The following RTN3 variants were observed in gnomAD, a reference collection of about 807,000 sequenced individuals.
RTN3 encodes the protein reticulon-3.
A neutral mutation model predicts 77.8 loss-of-function variants in RTN3; 49 were observed. The ratio of observed to expected loss-of-function variants is 0.63; its 90% CI spans 0.50 to 0.80. The LOEUF is 0.80. RTN3 is among the 30% of genes least tolerant of loss of function. The pLI, the probability that RTN3 is intolerant of heterozygous loss-of-function variation, is 0.00. For missense variants in RTN3, 1,236 were observed against 1,211.9 expected, an observed-to-expected ratio of 1.02 and a Z score of -0.29; for synonymous variants, 464 against 446.9, an observed-to-expected ratio of 1.04 and a Z score of -0.48.
Position 63,719,307 on chromosome 11 carries a change from A to G in RTN3, c.805A>G (p.Thr269Ala). The change falls in exon 3 of 9, where the codon ACA becomes GCA. Residue 269 changes from threonine to alanine, a missense_variant. Physicochemically the swap from Thr to Ala is moderately conservative, Grantham distance 58. Around this residue, in one of 3 missense-constraint regions of RTN3, gnomAD observed 1,056 missense variants for 990.4 expected, o/e 1.07. Coordinates refer to ENST00000377819, the MANE Select transcript of RTN3 (RefSeq NM_001265589.2). ...KEFKDSYKES[T>A]DDFGSWSVHT... ...ATTTAAAGACTCATATAAGGAGAGC[A>G]CAGATGATTTTGGTAGCTGGTCTGT... 1.9e-6 allele frequency: 3 copies of G among 1,614,224 alleles called. No homozygotes were observed. Among genetic ancestry groups the G allele is most frequent in the South Asian group, 1.1e-5 (1 of 91,086 alleles).
At chr11:63,745,841 C>T (rs946726075) in intron 3 of RTN3, among the ~76,000 whole-genome samples, 1 of 152,186 alleles carries the variant, frequency 6.6e-6, no homozygotes, top group Non-Finnish European at 1.5e-5. Flanking sequence ...GACGGAGTCT[C>T]ACTCTTTCAC....
In RTN3 at chr11:63,759,145, A is replaced by G. The variant is rs1304184291; in HGVS notation, c.*944A>G. 6.6e-6 allele frequency: 1 copy of G among 152,200 alleles called. No individual in the cohort carries two copies. The highest frequency in any genetic ancestry group is 6.5e-5 in the Admixed American group (1 of 15,288). 9.4% of individuals were successfully genotyped at this position (152,200 alleles called of 1,614,324 possible). A position where few individuals can be genotyped will look rare whatever the true frequency, so the allele number is the denominator to read the frequency against. On this transcript the variant is annotated 3_prime_UTR_variant, in exon 9 of 9. Transcript: ENST00000377819. The stretch of plus-strand genomic sequence containing the variant: ...TCAGTTATTGAGTTTTTGTGATCCT[A>G]TCTCAGTCTGGGGGGGAACATTCTC...
At chr11:63,698,127 A>G (rs1455949022) in intron 1 of RTN3, among the ~76,000 whole-genome samples, 1 of 149,034 alleles carries the variant, frequency 6.7e-6, no homozygotes, top group Admixed American at 6.7e-5. Flanking sequence ...GACCCTTTTC[A>G]TAGTCTTTTT....
intron 3 of RTN3, among the ~76,000 whole-genome samples, chr11:63,738,894 CT>C (rs1407418703): frequency 6.6e-6 from 1 of 152,140 alleles, no homozygotes; most frequent in Admixed American, 6.5e-5. Context: ...TGGCACAAGA[CT>C]GATTTCCTTT....
intron 8 of RTN3, among the ~76,000 whole-genome samples, chr11:63,757,243 G>A (rs1211108421): frequency 6.6e-6 from 1 of 152,068 alleles, no homozygotes; most frequent in Non-Finnish European, 1.5e-5. Flanking sequence ...ATAAAATATT[G>A]ACAAACATCT....
chr11:63,703,000 G>T (rs944955014), intron 1 of RTN3, among the ~76,000 whole-genome samples: 1 of 151,950 alleles, frequency 6.6e-6, no homozygotes, highest in Non-Finnish European at 1.5e-5. Context: ...TTTGCTTTTT[G>T]AGTTTAATTC....
chr11:63,694,745 A>G (rs1224323266), intron 1 of RTN3, among the ~76,000 whole-genome samples: 5 of 152,208 alleles, frequency 3.3e-5, no homozygotes, highest in Non-Finnish European at 7.3e-5. Context: ...CGAGTGAGCC[A>G]GCGCGCCCAA....
chr11:63,731,311 C>T (rs1490521275), intron 3 of RTN3, among the ~76,000 whole-genome samples: 2 of 152,156 alleles, frequency 1.3e-5, no homozygotes, highest in Admixed American at 1.3e-4. Flanking sequence ...AACTCCCAAC[C>T]TCAAGTGATC....
intron 1 of RTN3, among the ~76,000 whole-genome samples, chr11:63,692,316 C>G (rs1476881661): frequency 1.3e-5 from 2 of 151,986 alleles, no homozygotes; most frequent in Admixed American, 6.6e-5. Flanking sequence ...AGCCACTGTG[C>G]CCAGGTTTCC....
At chr11:63,750,451 A>AATT in intron 4 of RTN3, 1 of 450,982 alleles carries the variant, frequency 2.2e-6, no homozygotes. Flanking sequence ...GAAGACTCTA[A>AATT]ATTCTTTTTT....
Position 63,753,191 on chromosome 11 carries a change from AAG to A in RTN3, c.2947+56_2947+57del, listed in dbSNP as rs2014195606. 3 of 1,529,194 alleles carry A rather than the reference AAG, an allele frequency of 2.0e-6. No homozygotes were observed. The African/African-American group carries it at 4.1e-5, about 21-fold the overall frequency. The allele number at this position is 1,529,194 out of a possible 1,614,324, so 94.7% of individuals were successfully genotyped here. A position where few individuals can be genotyped will look rare whatever the true frequency, so the allele number is the denominator to read the frequency against. On this transcript the variant is annotated intron_variant, in intron 6 of 8. Coordinates refer to ENST00000377819, the MANE Select transcript of RTN3 (RefSeq NM_001265589.2). ...GCTCTTTGAAGTAGTTTGTAAGAAT[AAG>A]AGTGAAGAGAAAGCCCAGCATGGCT...
chr11:63,692,812 G>T (rs1423022979), intron 1 of RTN3, among the ~76,000 whole-genome samples: 1 of 151,550 alleles, frequency 6.6e-6, no homozygotes, highest in Non-Finnish European at 1.5e-5. Context: ...AGACCACTTT[G>T]GTTTTCTTTT....
At chr11:63,683,661 G>A (rs142407940) in intron 1 of RTN3, among the ~76,000 whole-genome samples, 6 of 152,206 alleles carry the variant, frequency 3.9e-5, no homozygotes, top group Admixed American at 6.5e-5. Context: ...AACCTAATTG[G>A]CACCTAAATT....
chr11:63,686,457 C>T (rs1224109546), intron 1 of RTN3, among the ~76,000 whole-genome samples: 6 of 126,702 alleles, frequency 4.7e-5, no homozygotes, highest in Non-Finnish European at 7.9e-5. Context: ...GGGGACAGAG[C>T]GAGACTCCGT....
intron 1 of RTN3, among the ~76,000 whole-genome samples, chr11:63,692,177 C>T (rs1400181119): frequency 6.6e-6 from 1 of 152,052 alleles, no homozygotes; most frequent in East Asian, 1.9e-4. Context: ...TGCGCACCTC[C>T]ATGCCTGGCT....
chr11:63,710,721 G>A (rs2011140959), intron 2 of RTN3, among the ~76,000 whole-genome samples: 1 of 152,130 alleles, frequency 6.6e-6, no homozygotes, highest in South Asian at 2.1e-4. Context: ...TAAGGCTGTG[G>A]TTCTGAAACC....
chr11:63,752,360 T>A, intron 4 of RTN3, 147 bp from the exon 5 acceptor site: 1 of 679,852 alleles, frequency 1.5e-6, no homozygotes, highest in Non-Finnish European at 2.5e-6. Context: ...TGACAGTGTG[T>A]CTCCACCCCA....
chr11:63,745,540 A>G (rs974462702), intron 3 of RTN3, among the ~76,000 whole-genome samples: 2 of 152,204 alleles, frequency 1.3e-5, no homozygotes, highest in African/African-American at 4.8e-5. Context: ...CATTCCAGAC[A>G]GAGGCTTGAT....
intron 4 of RTN3, among the ~76,000 whole-genome samples, chr11:63,751,007 C>T (rs1035810025): frequency 6.6e-6 from 1 of 152,052 alleles, no homozygotes; most frequent in East Asian, 1.9e-4. Context: ...GCTGGGATTA[C>T]AGGCGTGAGC....
Sources: gnomAD v4.1 joint callset for allele counts (sites outside exome capture counted in the v4.1 genomes callset) on GRCh38, gnomAD v4.1.1 for gene constraint, gnomAD v4.1.1 regional missense constraint, MANE v1.5 for transcripts, NCBI Gene and HGNC (gene_info 2026-07-23, HGNC 2026-07-21) for gene names.